CNTN4: variants seen among roughly 807,000 people sequenced by gnomAD.
CNTN4 encodes contactin-4.
CNTN4 carries 77 observed loss-of-function variants against 122.5 expected under a neutral mutation model. The observed-to-expected ratio is 0.63, with a 90% CI of 0.52 to 0.76. CNTN4 has a LOEUF of 0.76. Among genes scored for constraint, CNTN4 ranks in the 30% least tolerant of loss-of-function variants. The pLI is 0.00. For missense variants in CNTN4, 1,256 were observed against 1,259.1 expected, an observed-to-expected ratio of 1.00 and a Z score of 0.04; for synonymous variants, 512 against 447.0, an observed-to-expected ratio of 1.15 and a Z score of -1.83.
At chr3:2,650,181 C>T (rs1461374266) in intron 4 of CNTN4, among the ~76,000 whole-genome samples, 1 of 151,336 alleles carries the variant, frequency 6.6e-6, no homozygotes, top group Admixed American at 6.6e-5. Context: ...GAAATTGATT[C>T]CAACCCTCAC....
At chr3:3,003,669 T>C (rs1459082674) in intron 14 of CNTN4, among the ~76,000 whole-genome samples, 2 of 113,450 alleles carry the variant, frequency 1.8e-5, no homozygotes, top group East Asian at 4.9e-4. Context: ...AATTAGATAG[T>C]AGTCATGGTT....
chr3:2,525,953 T>G (rs1347934070), intron 3 of CNTN4, among the ~76,000 whole-genome samples: 3 of 152,072 alleles, frequency 2.0e-5, no homozygotes, highest in Non-Finnish European at 4.4e-5. Flanking sequence ...CTACTACAAA[T>G]AAAGGTCTTA....
chr3:2,921,856 A>C (rs984361177), intron 12 of CNTN4, among the ~76,000 whole-genome samples: 2 of 152,226 alleles, frequency 1.3e-5, no homozygotes, highest in African/African-American at 4.8e-5. Flanking sequence ...TTGGCCACTT[A>C]AAATACCCTT....
At chr3:2,915,746 A>C (rs2094346831) in intron 12 of CNTN4, among the ~76,000 whole-genome samples, 1 of 152,238 alleles carries the variant, frequency 6.6e-6, no homozygotes, top group Non-Finnish European at 1.5e-5. Flanking sequence ...AGAGATTTGC[A>C]CACCTATATT....
chr3:2,801,573 G>A (rs186140477), intron 6 of CNTN4, among the ~76,000 whole-genome samples: 45 of 152,192 alleles, frequency 3.0e-4, no homozygotes, highest in Admixed American at 1.3e-3. Flanking sequence ...GAAAAATAAA[G>A]CATTATTAAA....
At chr3:2,574,033 A>G (rs1464247620) in intron 4 of CNTN4, among the ~76,000 whole-genome samples, 1 of 152,142 alleles carries the variant, frequency 6.6e-6, no homozygotes, top group Non-Finnish European at 1.5e-5. Context: ...CCTGACCAAC[A>G]TGAAGAAGCC....
chr3:2,668,951 A>T (rs1334465928), intron 4 of CNTN4, among the ~76,000 whole-genome samples: 2 of 152,140 alleles, frequency 1.3e-5, no homozygotes, highest in African/African-American at 2.4e-5. Context: ...CCACTTGATC[A>T]TGGTGGATAA....
chr3:2,406,329 T>C (rs1466709351), intron 3 of CNTN4, among the ~76,000 whole-genome samples: 3 of 152,180 alleles, frequency 2.0e-5, no homozygotes, highest in Admixed American at 6.5e-5. Flanking sequence ...TGTGGTTTCT[T>C]GTGAAAAATA....
At chr3:2,279,163 A>C (rs994241382) in intron 2 of CNTN4, among the ~76,000 whole-genome samples, 2 of 149,780 alleles carry the variant, frequency 1.3e-5, no homozygotes. Context: ...CATCCAAATA[A>C]ATAAAATTAT....
chr3:2,627,421 A>G lies in CNTN4; in HGVS notation c.55+55863A>G, dbSNP rs187960625. Among the ~76,000 whole-genome samples the G allele has an allele frequency of 1.4e-4, 21 of 150,446 alleles. No individual in the cohort carries two copies. In the East Asian group the frequency reaches 4.1e-3, roughly 30 times the overall value. Reference sequence around the variant, plus strand: ...CTTTTTTCTTGAATCCACTGACCTTAGGGTAGCAGTAAACTTTGTTTACCA... The same window carrying G: ...CTTTTTTCTTGAATCCACTGACCTTGGGGTAGCAGTAAACTTTGTTTACCA... On this transcript the variant is annotated intron_variant, in intron 4 of 24. Transcript: ENST00000418658.
rs1435576810 is a variant in CNTN4 at position 2,791,548 on chromosome 3, T to A, written c.359-27938T>A. 2.1e-4 allele frequency among the ~76,000 whole-genome samples: 31 copies of A among 149,578 alleles called. 1 individual carries two copies. The highest frequency in any genetic ancestry group is 7.6e-4 in the African/African-American group (31 of 40,724). On this transcript the variant is annotated intron_variant, in intron 6 of 24. Coordinates refer to ENST00000418658, the MANE Select transcript of CNTN4 (RefSeq NM_175607.3). ...ATCCTGTCTCAAAAAAAAAAAAAGA[T>A]TTAGAAACTGAGCTCTATACAAACA... is the stretch of plus-strand genomic sequence containing the variant.
Position 2,359,632 on chromosome 3 carries a change from C to T in CNTN4, c.-89+20399C>T, listed in dbSNP as rs567398307. ...TAGGCTCACTGCAAGCCCCGCCTCC[C>T]GAATTCACGCCATTCTCCTGACTCA... is the stretch of plus-strand genomic sequence containing the variant. On this transcript the variant is annotated intron_variant, in intron 3 of 24. Transcript: ENST00000418658. Among the ~76,000 whole-genome samples, 5 of 152,206 alleles carry T rather than the reference C, an allele frequency of 3.3e-5. No homozygotes were observed. In the East Asian group the frequency reaches 5.8e-4, roughly 18 times the overall value.
At chr3:2,545,246 T>A (rs575578457) in intron 3 of CNTN4, among the ~76,000 whole-genome samples, 1 of 152,118 alleles carries the variant, frequency 6.6e-6, no homozygotes, top group South Asian at 2.1e-4. Context: ...CAATTTTGAG[T>A]TTTTTGCATT....
At chr3:2,573,221 A>G (rs2079505547) in intron 4 of CNTN4, among the ~76,000 whole-genome samples, 1 of 152,118 alleles carries the variant, frequency 6.6e-6, no homozygotes, top group Non-Finnish European at 1.5e-5. Flanking sequence ...CATTCTTCCT[A>G]TGTTTTTCTA....
intron 3 of CNTN4, among the ~76,000 whole-genome samples, chr3:2,477,548 C>G (rs2075867543): frequency 6.6e-6 from 1 of 152,054 alleles, no homozygotes; most frequent in Non-Finnish European, 1.5e-5. Flanking sequence ...AATGGCAGCC[C>G]AGTTAGAAAG....
intron 9 of CNTN4, among the ~76,000 whole-genome samples, chr3:2,885,674 A>G (rs1223280802): frequency 6.6e-6 from 1 of 152,180 alleles, no homozygotes. Context: ...TACATAACCA[A>G]CTTAGAGGGA....
chr3:2,778,138 CA>C (rs2091414105), intron 6 of CNTN4, among the ~76,000 whole-genome samples: 1 of 139,468 alleles, frequency 7.2e-6, no homozygotes, highest in Non-Finnish European at 1.5e-5. Flanking sequence ...GGCGGGAACC[CA>C]GGAAGCGGAG....
chr3:2,519,289 C>G (rs962921874), intron 3 of CNTN4, among the ~76,000 whole-genome samples: 5 of 152,132 alleles, frequency 3.3e-5, no homozygotes, highest in Admixed American at 3.3e-4. Flanking sequence ...TAAGTTATTT[C>G]TTGTGTGTCT....
intron 2 of CNTN4, among the ~76,000 whole-genome samples, chr3:2,310,051 T>G (rs2042858164): frequency 6.6e-6 from 1 of 152,184 alleles, no homozygotes; most frequent in African/African-American, 2.4e-5. Flanking sequence ...AGGTGGAATA[T>G]GTTCAAATTT....
Sources: gnomAD v4.1 joint callset for allele counts (sites outside exome capture counted in the v4.1 genomes callset) on GRCh38, gnomAD v4.1.1 for gene constraint, MANE v1.5 for transcripts, NCBI Gene and HGNC (gene_info 2026-07-23, HGNC 2026-07-21) for gene names.